MGAT4D: variants seen among roughly 807,000 people sequenced by gnomAD.
MGAT4D encodes alpha-1,3-mannosyl-glycoprotein 4-beta-N-acetylglucosaminyltransferase-like protein MGAT4D.
Under a neutral mutation model 15.9 loss-of-function variants are expected in MGAT4D, and 34 were observed. The observed-to-expected ratio is 2.14, with a 90% CI of 1.62 to 2.84. MGAT4D has a LOEUF of 2.84. MGAT4D is among the 30% of genes most tolerant of loss of function. The pLI is 0.00. For missense variants in MGAT4D, 327 were observed against 140.2 expected (o/e 2.33, Z -6.73); for synonymous variants, 112 against 48.2 (o/e 2.33, Z -5.49).
At chr4:140,479,299 C>T (rs1317286305) in intron 3 of MGAT4D, among the ~76,000 whole-genome samples, 191 bp downstream of exon 3, 1 of 152,174 alleles carries the variant, frequency 6.6e-6, no homozygotes, top group East Asian at 1.9e-4. Context: ...GAATTCAAGT[C>T]ACCAAGTGTT....
chr4:140,442,396 C>A lies in MGAT4D; in HGVS notation c.*1040G>T, dbSNP rs1474500449. ...TTCACAATATTTGATTAAAGGATAA[C>A]AAATAAATATCACTTATTATTGCTC... On this transcript the variant is annotated 3_prime_UTR_variant, in exon 11 of 11. Coordinates refer to ENST00000511113, the MANE Select transcript of MGAT4D (RefSeq NM_001277353.2). 1.3e-5 allele frequency: 2 copies of A among 151,946 alleles called. No homozygotes were observed. The highest frequency in any genetic ancestry group is 4.8e-5 in the African/African-American group (2 of 41,382). 9.4% of individuals were successfully genotyped at this position (151,946 alleles called of 1,614,324 possible).
Position 140,479,553 on chromosome 4 carries a change from G to GA in MGAT4D, c.327dup (p.Pro110SerfsTer8). The GA allele has an allele frequency of 1.8e-6, 1 of 551,958 alleles. No homozygotes were observed. Among genetic ancestry groups the GA allele is most frequent in the Non-Finnish European group, 3.2e-6 (1 of 311,484 alleles). 34.2% of individuals were successfully genotyped at this position (551,958 alleles called of 1,614,324 possible). A position where few individuals can be genotyped will look rare whatever the true frequency, so the allele number is the denominator to read the frequency against. ...ATTCTACCTTCTTTCCTTAGATGAG[G>GA]AAAAAAGAACTTTAAGTCTTCAAAT... is the stretch of plus-strand genomic sequence containing the variant. On this transcript the variant is annotated frameshift_variant, in exon 3 of 11. Coordinates refer to ENST00000511113, the MANE Select transcript of MGAT4D (RefSeq NM_001277353.2). LOFTEE classifies it high-confidence loss of function.
In MGAT4D at chr4:140,484,525, A is replaced by G. The variant is rs919795319; in HGVS notation, c.95-2040T>C. Among the ~76,000 whole-genome samples, 5 of 152,138 alleles carry G rather than the reference A, an allele frequency of 3.3e-5. No individual in the cohort carries two copies. In the South Asian group the frequency reaches 6.2e-4, roughly 19 times the overall value. On this transcript the variant is annotated intron_variant, in intron 1 of 10. Coordinates refer to ENST00000511113, the MANE Select transcript of MGAT4D (RefSeq NM_001277353.2). ...TCATGTCTAAAACACCAAAAGCAAT[A>G]GCAACAAAAGCCAAAATTGACAAAT...
At chr4:140,480,751 A>T (rs1732656772) in intron 2 of MGAT4D, among the ~76,000 whole-genome samples, 1 of 149,154 alleles carries the variant, frequency 6.7e-6, no homozygotes, top group Admixed American at 6.7e-5. Flanking sequence ...ACACACACAC[A>T]CACACACACA....
rs1278691561 is a variant in MGAT4D, at chr4:140,443,352, C to T, written c.*84G>A. The T allele has an allele frequency of 2.2e-6, 1 of 446,016 alleles. No individual in the cohort carries two copies. Among genetic ancestry groups the T allele is most frequent in the Non-Finnish European group, 4.0e-6 (1 of 251,110 alleles). The allele number at this position is 446,016 out of a possible 1,614,324, so 27.6% of individuals were successfully genotyped here. A position where few individuals can be genotyped will look rare whatever the true frequency, so the allele number is the denominator to read the frequency against. ...TATCTGCTAGATAATTATGTATTTT[C>T]ATTACTACAATTTCTGAAACATGCC... On this transcript the variant is annotated 3_prime_UTR_variant, in exon 11 of 11. Coordinates refer to ENST00000511113, the MANE Select transcript of MGAT4D (RefSeq NM_001277353.2).
chr4:140,460,161 G>T (rs1478721191), intron 7 of MGAT4D, among the ~76,000 whole-genome samples: 1 of 152,192 alleles, frequency 6.6e-6, no homozygotes, highest in Non-Finnish European at 1.5e-5. Context: ...CTTTGAAAGA[G>T]TCTCTTTATC....
chr4:140,474,770 C>A, intron 4 of MGAT4D, 43 bp downstream of exon 4: 1 of 561,722 alleles, frequency 1.8e-6, no homozygotes, highest in Middle Eastern at 2.6e-4. Context: ...ATTTGGAGAC[C>A]ATAGGGTGAG....
At chr4:140,491,556 C>T (rs1010594648) in intron 1 of MGAT4D, among the ~76,000 whole-genome samples, 1 of 151,950 alleles carries the variant, frequency 6.6e-6, no homozygotes, top group Non-Finnish European at 1.5e-5. Context: ...GCTTGAAGCA[C>T]CAAAGACATA....
intron 3 of MGAT4D, among the ~76,000 whole-genome samples, chr4:140,475,970 C>A (rs1460133899): frequency 6.6e-6 from 1 of 151,892 alleles, no homozygotes; most frequent in Non-Finnish European, 1.5e-5. Context: ...CACCACCATG[C>A]CCGGCTAACT....
chr4:140,468,258 A>G (rs1037799552), intron 5 of MGAT4D, among the ~76,000 whole-genome samples: 1 of 152,130 alleles, frequency 6.6e-6, no homozygotes, highest in Non-Finnish European at 1.5e-5. Flanking sequence ...ATCACCTGAC[A>G]TAGTTTTCCA....
chr4:140,454,631 AC>A (rs1410785426), intron 9 of MGAT4D, among the ~76,000 whole-genome samples: 1 of 152,082 alleles, frequency 6.6e-6, no homozygotes, highest in Non-Finnish European at 1.5e-5. Context: ...ATTGGGATGT[AC>A]CCTTTCCTCT....
At chr4:140,481,801 G>A (rs1459424371) in intron 2 of MGAT4D, among the ~76,000 whole-genome samples, 1 of 152,172 alleles carries the variant, frequency 6.6e-6, no homozygotes, top group East Asian at 1.9e-4. Flanking sequence ...TAAGAGTAGG[G>A]GGAGGATTGG....
At chr4:140,447,890 G>T (rs1185154736) in intron 10 of MGAT4D, among the ~76,000 whole-genome samples, 1 of 152,154 alleles carries the variant, frequency 6.6e-6, no homozygotes, top group East Asian at 1.9e-4. Flanking sequence ...GTTTTGTAAG[G>T]CAGGTCTGGT....
At chr4:140,465,954 A>G (rs1731505437) in intron 5 of MGAT4D, among the ~76,000 whole-genome samples, 2 of 152,206 alleles carry the variant, frequency 1.3e-5, no homozygotes, top group Non-Finnish European at 2.9e-5. Context: ...ATCACTATAT[A>G]AATAGCAGAT....
rs1487175003 is a variant in MGAT4D at position 140,464,991 on chromosome 4, C to A, written c.591G>T (p.Arg197Ser). The A allele has an allele frequency of 1.3e-5, 9 of 701,530 alleles. No individual in the cohort carries two copies. The highest frequency in any genetic ancestry group is 2.1e-5 in the Non-Finnish European group (8 of 384,388). The allele number at this position is 701,530 out of a possible 1,614,324, so 43.5% of individuals were successfully genotyped here. A position where few individuals can be genotyped will look rare whatever the true frequency, so the allele number is the denominator to read the frequency against. The change falls in exon 6 of 11, where the codon AGG (arginine) becomes AGT (serine). Residue 197 changes from arginine (R) to serine (S), a missense_variant. By Grantham distance (110) the Arg-to-Ser change is moderately radical (BLOSUM62 -1). Transcript: ENST00000511113. ...MITKKFKRQVRSGSLEVISIP... is the reference protein window; with the variant it reads ...MITKKFKRQVSSGSLEVISIP... ...TTGAAATGACCTCTAAGGATCCAGA[C>A]CTCACTTGCCTTTTGAATCTATAAA...
At chr4:140,470,287 T>G (rs1218417583) in intron 5 of MGAT4D, among the ~76,000 whole-genome samples, 2 of 152,308 alleles carry the variant, frequency 1.3e-5, no homozygotes, top group East Asian at 1.9e-4. Context: ...CCCCCAACCC[T>G]CTCACTTAAT....
intron 10 of MGAT4D, among the ~76,000 whole-genome samples, chr4:140,446,048 G>A (rs1226476600): frequency 6.6e-6 from 1 of 152,268 alleles, no homozygotes; most frequent in East Asian, 1.9e-4. Context: ...GCTTTTTGAT[G>A]TGCTGCTGGA....
At chr4:140,493,811 A>G (rs901439121) in intron 1 of MGAT4D, among the ~76,000 whole-genome samples, 8 of 152,132 alleles carry the variant, frequency 5.3e-5, no homozygotes, top group African/African-American at 1.9e-4. Context: ...TATTTTGCCA[A>G]TGGGAGGCAG....
intron 1 of MGAT4D, among the ~76,000 whole-genome samples, chr4:140,497,685 G>A (rs2110757522): frequency 6.6e-6 from 1 of 152,318 alleles, no homozygotes; most frequent in South Asian, 2.1e-4. Flanking sequence ...GAGGCATGAA[G>A]CGGGGCCTGG....
Sources: gnomAD v4.1 joint callset for allele counts (sites outside exome capture counted in the v4.1 genomes callset) on GRCh38, gnomAD v4.1.1 for gene constraint, MANE v1.5 for transcripts, NCBI Gene and HGNC (gene_info 2026-07-23, HGNC 2026-07-21) for gene names.